RRAS: variants seen among roughly 807,000 people sequenced by gnomAD.
RRAS encodes the protein RAS related.
RRAS carries 18 observed loss-of-function variants against 23.3 expected under a neutral mutation model. That is an observed-to-expected ratio of 0.77 (90% CI 0.53 to 1.15). The LOEUF is 1.15. RRAS is among the 50% of genes most tolerant of loss of function. The pLI is 0.00. For missense variants in RRAS, 291 were observed against 317.1 expected (o/e 0.92, Z 0.62); for synonymous variants, 133 against 138.3 (o/e 0.96, Z 0.27).
At chr19:49,639,237 A>C (rs1265909022) in intron 1 of RRAS, among the ~76,000 whole-genome samples, 2 of 152,032 alleles carry the variant, frequency 1.3e-5, no homozygotes, top group African/African-American at 4.8e-5. Flanking sequence ...AGACCAGTCC[A>C]ATATGGTGAA....
In RRAS at chr19:49,635,853, C is replaced by A; in HGVS notation, c.454-1G>T. On this transcript the variant is annotated splice_acceptor_variant, in intron 4 of 5. Transcript: ENST00000246792. LOFTEE classifies it high-confidence loss of function. Reference sequence around the variant, plus strand: ...AGGCAGAGGCTTCTGATCGGGGGACCTGGGGGTAGGGGGGACACGGGGGAG... The same window carrying A: ...AGGCAGAGGCTTCTGATCGGGGGACATGGGGGTAGGGGGGACACGGGGGAG... 1 of 558,714 alleles carries A rather than the reference C, an allele frequency of 1.8e-6. No individual in the cohort carries two copies. Among genetic ancestry groups the A allele is most frequent in the Non-Finnish European group, 3.0e-6 (1 of 330,486 alleles). The allele number at this position is 558,714 out of a possible 1,614,324, so 34.6% of individuals were successfully genotyped here. A position where few individuals can be genotyped will look rare whatever the true frequency, so the allele number is the denominator to read the frequency against.
intron 4 of RRAS, 78 bp from the exon 5 acceptor site, chr19:49,635,930 T>C: frequency 4.1e-6 from 3 of 738,612 alleles, no homozygotes; most frequent in Non-Finnish European, 6.8e-6. Flanking sequence ...ACAGGCAGGC[T>C]GGATACTCTA....
At position 49,636,709 on chromosome 19, in the gene RRAS, C is replaced by T. The variant is rs557007484; in HGVS notation, c.363G>A (p.Lys121=). 3.1e-6 allele frequency: 5 copies of T among 1,614,114 alleles called. No individual in the cohort carries two copies. The Admixed American group carries it at 5.0e-5, about 16-fold the overall frequency. Residue 121 remains lysine (K), a synonymous_variant, in exon 4 of 6, where the codon AAG becomes AAA. Transcript: ENST00000246792. This position sits in a 1 kb window ranked among gnomAD's most constrained non-coding sequence, Gnocchi z 4.5. ...TGACCCGCAGAATCTGCGTGAAGAG[C>T]TTGCCCACCTCGTTGAAACTGCGAG... ...NDRQSFNEVG[K]LFTQILRVKD...
At chr19:49,639,642 A>C (rs1336924017) in intron 1 of RRAS, among the ~76,000 whole-genome samples, 3 of 151,380 alleles carry the variant, frequency 2.0e-5, no homozygotes, top group African/African-American at 7.3e-5. Flanking sequence ...GAATGGGGTG[A>C]GTATTTTGTA....
intron 1 of RRAS, 150 bp from the exon 2 acceptor site, chr19:49,637,280 G>A (rs2081001367): frequency 7.2e-6 from 4 of 553,646 alleles, no homozygotes; most frequent in Non-Finnish European, 1.3e-5. Context: ...CTGGGTCTCT[G>A]TCCCGTCTGT....
chr19:49,640,030 G>A lies in RRAS; in HGVS notation c.69C>T (p.Asp23=), dbSNP rs1458889244. The A allele has an allele frequency of 3.2e-6, 5 of 1,545,412 alleles. No individual in the cohort carries two copies. Among genetic ancestry groups the A allele is most frequent in the Admixed American group, 1.9e-5 (1 of 52,688 alleles). ...GCTTGTGTGTCTCGCTGGGCGGGGG[G>A]TCCCCGGGCCCAGGTCCCCCGCCCC... The part of the protein sequence containing the change: ...RPRGGGPGPG[D]PPPSETHKLV... Residue 23 remains aspartate, a synonymous_variant, in exon 1 of 6, where the codon GAC becomes GAT. Coordinates refer to ENST00000246792, the MANE Select transcript of RRAS (RefSeq NM_006270.5).
chr19:49,635,534 T>C lies in RRAS; in HGVS notation c.*42A>G, dbSNP rs2122415773. 7.8e-7 allele frequency: 1 copy of C among 1,282,328 alleles called. No homozygotes were observed. Among genetic ancestry groups the C allele is most frequent in the Non-Finnish European group, 1.0e-6 (1 of 963,106 alleles). 79.4% of individuals were successfully genotyped at this position (1,282,328 alleles called of 1,614,324 possible). A position where few individuals can be genotyped will look rare whatever the true frequency, so the allele number is the denominator to read the frequency against. ...TCACACAGCAAGGTGCGAAGGCAGC[T>C]AGTCCCGAGAGCTTGTGGTGGTTGC... On this transcript the variant is annotated 3_prime_UTR_variant, in exon 6 of 6. Coordinates refer to ENST00000246792, the MANE Select transcript of RRAS (RefSeq NM_006270.5).
Position 49,636,977 on chromosome 19 carries a change from AC to A in RRAS, c.242-52del. 1.2e-6 allele frequency: 2 copies of A among 1,606,136 alleles called. No individual in the cohort carries two copies. ...CGTGGGGACCAGGCTCCCCGCAGTC[AC>A]CCCCAAGAGCCCTCAGCCCCCACTG... On this transcript the variant is annotated intron_variant, in intron 2 of 5. Coordinates refer to ENST00000246792, the MANE Select transcript of RRAS (RefSeq NM_006270.5). This position sits in a 1 kb window ranked among gnomAD's most constrained non-coding sequence, Gnocchi z 4.5.
rs2122429565 is a variant in RRAS at position 49,639,970 on chromosome 19, G to T, written c.129C>A (p.Ser43Arg). The T allele has an allele frequency of 1.3e-6, 2 of 1,591,000 alleles. No individual in the cohort carries two copies. The highest frequency in any genetic ancestry group is 8.5e-7 in the Non-Finnish European group (1 of 1,174,524). ...VVVGGGGVGK[S>R]ALTIQFIQSY... ...CCTGGATGAACTGGATGGTCAGCGC[G>T]CTCTTGCCCACGCCGCCGCCGCCCA... The change falls in exon 1 of 6, where the codon AGC becomes AGA. Residue 43 changes from serine to arginine, a missense_variant. Physicochemically the swap from Ser to Arg is moderately radical, Grantham distance 110. Transcript: ENST00000246792.
At chr19:49,637,502 T>G (rs936410961) in intron 1 of RRAS, among the ~76,000 whole-genome samples, 1 of 151,704 alleles carries the variant, frequency 6.6e-6, no homozygotes, top group Admixed American at 6.6e-5. Flanking sequence ...GATGTGTTGG[T>G]CAGGCTGTGT....
chr19:49,635,430 G>A lies in RRAS; in HGVS notation c.*146C>T. On this transcript the variant is annotated 3_prime_UTR_variant, in exon 6 of 6. Transcript: ENST00000246792. ...CACACAGTGGCAGTAGCCCAGAAGA[G>A]GCCAGGAAGTAAGGGTGGGTATGTG... The A allele has an allele frequency of 2.1e-6, 1 of 469,592 alleles. No individual in the cohort carries two copies. The allele number at this position is 469,592 out of a possible 1,614,324, so 29.1% of individuals were successfully genotyped here. A position where few individuals can be genotyped will look rare whatever the true frequency, so the allele number is the denominator to read the frequency against.
Position 49,635,481 on chromosome 19 carries a change from G to A in RRAS, c.*95C>T, listed in dbSNP as rs1326783013. ...ATGTGTCCTGGGAGACCCAGATGAG[G>A]AAATTGAGGCTCAGTGAGGGCCTCA... On this transcript the variant is annotated 3_prime_UTR_variant, in exon 6 of 6. Coordinates refer to ENST00000246792, the MANE Select transcript of RRAS (RefSeq NM_006270.5). 2.7e-6 allele frequency: 2 copies of A among 730,902 alleles called. No individual in the cohort carries two copies. Among genetic ancestry groups the A allele is most frequent in the African/African-American group, 3.6e-5 (2 of 55,854 alleles). The allele number at this position is 730,902 out of a possible 1,614,324, so 45.3% of individuals were successfully genotyped here.
rs1450295956 is a variant in RRAS, at chr19:49,636,161, C to G, written c.454-309G>C. ...CCCAAAGCCTGGAAATCCCCAGAGC[C>G]TTTGCCAGATGGATGAGTTCTGTGT... On this transcript the variant is annotated intron_variant, in intron 4 of 5. Transcript: ENST00000246792. This position sits in a 1 kb window ranked among gnomAD's most constrained non-coding sequence, Gnocchi z 4.5. 6.6e-6 allele frequency among the ~76,000 whole-genome samples: 1 copy of G among 152,110 alleles called. No individual in the cohort carries two copies. Among genetic ancestry groups the G allele is most frequent in the Non-Finnish European group, 1.5e-5 (1 of 68,024 alleles).
rs773749799 is a variant in RRAS, at chr19:49,635,744, GCA to G, written c.560_561del (p.Val187AlafsTer121). On this transcript the variant is annotated frameshift_variant, in exon 5 of 6. Transcript: ENST00000246792. LOFTEE classifies it high-confidence loss of function. Reference sequence around the variant, plus strand: ...GGGGACTTGGCTCACCGGACAGCCCGCACCAGCTGCTCAAAAGCCTCGTCCAC... The same window carrying G: ...GGGGACTTGGCTCACCGGACAGCCCGCCAGCTGCTCAAAAGCCTCGTCCAC... The part of the protein sequence containing the change: ...LNVDEAFEQL[V>X]RAVRKYQEQE... 1.3e-6 allele frequency: 2 copies of G among 1,584,808 alleles called. No homozygotes were observed. Among genetic ancestry groups the G allele is most frequent in the Non-Finnish European group, 1.7e-6 (2 of 1,157,888 alleles).
intron 1 of RRAS, among the ~76,000 whole-genome samples, chr19:49,638,227 C>T (rs2081006000): frequency 6.6e-6 from 1 of 152,162 alleles, no homozygotes; most frequent in Non-Finnish European, 1.5e-5. Flanking sequence ...CTGCCTGGGT[C>T]CTGCCCGCTG....
In RRAS at chr19:49,636,895, C is replaced by A. The variant is rs1482407837; in HGVS notation, c.273G>T (p.Gly91=). ...ILDTAGQEEF[G]AMREQYMRAG... ...CACGCATGTACTGCTCTCTCATGGCCCCGAACTCTTCCTGGCCCGCGGTGT... is the reference window on the plus strand; with the variant it reads ...CACGCATGTACTGCTCTCTCATGGCACCGAACTCTTCCTGGCCCGCGGTGT... Residue 91 remains glycine (G), a synonymous_variant, in exon 3 of 6, where the codon GGG becomes GGT. Coordinates refer to ENST00000246792, the MANE Select transcript of RRAS (RefSeq NM_006270.5). The surrounding 1 kb of genome is among the most constrained non-coding windows in gnomAD (Gnocchi z 4.5). 1.2e-6 allele frequency: 2 copies of A among 1,613,374 alleles called. No individual in the cohort carries two copies. Among genetic ancestry groups the A allele is most frequent in the African/African-American group, 1.3e-5 (1 of 74,920 alleles).
Position 49,636,891 on chromosome 19 carries a change from T to C in RRAS, c.277A>G (p.Met93Val). 2 of 1,613,524 alleles carry C rather than the reference T, an allele frequency of 1.2e-6. No homozygotes were observed. The highest frequency in any genetic ancestry group is 2.2e-5 in the South Asian group (2 of 91,084). Residue 93 changes from methionine (M) to valine (V), a missense_variant, in exon 3 of 6, where the codon ATG (methionine) becomes GTG (valine). By Grantham distance (21) the Met-to-Val change is conservative. Coordinates refer to ENST00000246792, the MANE Select transcript of RRAS (RefSeq NM_006270.5). This position sits in a 1 kb window ranked among gnomAD's most constrained non-coding sequence, Gnocchi z 4.5. ...DTAGQEEFGAMREQYMRAGHG... is the reference protein window; with the variant it reads ...DTAGQEEFGAVREQYMRAGHG... ...CCAGCACGCATGTACTGCTCTCTCA[T>C]GGCCCCGAACTCTTCCTGGCCCGCG... is the stretch of plus-strand genomic sequence containing the variant.
At chr19:49,639,240 A>G (rs748160997) in intron 1 of RRAS, among the ~76,000 whole-genome samples, 1 of 151,998 alleles carries the variant, frequency 6.6e-6, no homozygotes, top group Non-Finnish European at 1.5e-5. Flanking sequence ...CCAGTCCAAT[A>G]TGGTGAAACC....
Position 49,640,046 on chromosome 19 carries a change from C to T in RRAS, c.53G>A (p.Gly18Glu), listed in dbSNP as rs1447937831. 1.3e-6 allele frequency: 2 copies of T among 1,510,630 alleles called. No homozygotes were observed. Among genetic ancestry groups the T allele is most frequent in the Non-Finnish European group, 1.8e-6 (2 of 1,137,398 alleles). 93.6% of individuals were successfully genotyped at this position (1,510,630 alleles called of 1,614,324 possible). A position where few individuals can be genotyped will look rare whatever the true frequency, so the allele number is the denominator to read the frequency against. ...GGGCGGGGGGTCCCCGGGCCCAGGT[C>T]CCCCGCCCCGGGGCCGCCCCCGCCC... ...GTGRGRPRGG[G>E]PGPGDPPPSE... Residue 18 changes from glycine (G) to glutamate (E), a missense_variant, in exon 1 of 6, where the codon GGA becomes GAA. Physicochemically the swap from Gly to Glu is moderately conservative, Grantham distance 98 (BLOSUM62 -2). Coordinates refer to ENST00000246792, the MANE Select transcript of RRAS (RefSeq NM_006270.5).
Sources: allele counts gnomAD v4.1 joint callset (sites outside exome capture counted in the v4.1 genomes callset), GRCh38; gene constraint gnomAD v4.1.1; non-coding constraint Gnocchi (gnomAD v3.1); transcripts MANE v1.5; gene names NCBI Gene and HGNC (gene_info 2026-07-23, HGNC 2026-07-21).